Variants in SND1 observed in about 807,000 individuals in gnomAD.
SND1 encodes staphylococcal nuclease domain-containing protein 1.
Under a neutral mutation model 121.7 loss-of-function variants are expected in SND1, and 38 were observed. The observed-to-expected ratio is 0.31, with a 90% CI of 0.24 to 0.41. SND1 has a LOEUF of 0.41. SND1 is among the 10% of genes least tolerant of loss of function. The probability of loss-of-function intolerance (pLI) is 1.00; values close to 1 mark genes in which losing one functional copy is unlikely to be tolerated. For missense variants in SND1, 868 were observed against 1,184.6 expected (o/e 0.73, Z 3.92); for synonymous variants, 401 against 447.4 (o/e 0.90, Z 1.31).
At chr7:127,831,017 A>G (rs1300162161) in intron 11 of SND1, among the ~76,000 whole-genome samples, 1 of 152,206 alleles carries the variant, frequency 6.6e-6, no homozygotes, top group Non-Finnish European at 1.5e-5. Context: ...CATGAACATG[A>G]ATTCTTGACT....
chr7:127,867,577 C>T (rs1033907930), intron 12 of SND1, among the ~76,000 whole-genome samples: 6 of 152,114 alleles, frequency 3.9e-5, no homozygotes, highest in African/African-American at 4.8e-5. Context: ...ATCATGTTGT[C>T]GTCTTTATCT....
intron 15 of SND1, among the ~76,000 whole-genome samples, chr7:127,980,818 TC>T (rs1454773277): frequency 6.6e-6 from 1 of 152,158 alleles, no homozygotes; most frequent in East Asian, 1.9e-4. Flanking sequence ...ACTTGCAAGA[TC>T]CATAGGGGTA....
intron 11 of SND1, among the ~76,000 whole-genome samples, chr7:127,811,709 C>T (rs766526257): frequency 3.3e-5 from 5 of 152,156 alleles, no homozygotes; most frequent in Non-Finnish European, 7.3e-5. Flanking sequence ...GATATTATCT[C>T]TATTCTGGGT....
chr7:127,890,557 G>C (rs1799991551), intron 13 of SND1, among the ~76,000 whole-genome samples: 1 of 152,080 alleles, frequency 6.6e-6, no homozygotes, highest in Admixed American at 6.6e-5. Context: ...GGAATGTATA[G>C]TTATATTTTC....
At chr7:127,986,414 C>A (rs1802391725) in intron 15 of SND1, among the ~76,000 whole-genome samples, 1 of 152,098 alleles carries the variant, frequency 6.6e-6, no homozygotes, top group Non-Finnish European at 1.5e-5. Context: ...GATTTTGTGT[C>A]CAGAGAAGGC....
intron 11 of SND1, among the ~76,000 whole-genome samples, chr7:127,819,565 T>C (rs1798508696): frequency 6.6e-6 from 1 of 152,166 alleles, no homozygotes; most frequent in Admixed American, 6.5e-5. Context: ...CCCCACCTTG[T>C]AGGATGGGCT....
chr7:128,055,716 C>A (rs556960728), intron 16 of SND1, among the ~76,000 whole-genome samples: 1 of 152,242 alleles, frequency 6.6e-6, no homozygotes, highest in African/African-American at 2.4e-5. Context: ...TGACTTTTTT[C>A]CTTTATACTG....
At chr7:128,049,924 GGGGA>G (rs993702770) in intron 16 of SND1, among the ~76,000 whole-genome samples, 8 of 152,164 alleles carry the variant, frequency 5.3e-5, no homozygotes, top group Non-Finnish European at 1.2e-4. Flanking sequence ...GGCTGGAATT[GGGGA>G]GGCTGGGGTA....
At chr7:128,054,704 T>G (rs1793106167) in intron 16 of SND1, among the ~76,000 whole-genome samples, 1 of 152,180 alleles carries the variant, frequency 6.6e-6, no homozygotes, top group South Asian at 2.1e-4. Flanking sequence ...TTAATGAGCC[T>G]CGGCTTTTCT....
chr7:127,841,990 A>T (rs1361850434), intron 11 of SND1, among the ~76,000 whole-genome samples: 2 of 152,194 alleles, frequency 1.3e-5, no homozygotes, highest in Non-Finnish European at 2.9e-5. Context: ...ATATGGCTCC[A>T]TTCTGCTGCT....
chr7:127,918,367 A>C (rs1800630911), intron 14 of SND1, among the ~76,000 whole-genome samples: 1 of 151,796 alleles, frequency 6.6e-6, no homozygotes, highest in Admixed American at 6.6e-5. Context: ...CCCCCAGATG[A>C]CTTTTTTTCT....
intron 10 of SND1, among the ~76,000 whole-genome samples, chr7:127,780,503 G>C (rs965151368): frequency 9.2e-5 from 14 of 152,188 alleles, no homozygotes; most frequent in Non-Finnish European, 1.9e-4. Flanking sequence ...ACTTGTCCAA[G>C]GTATGGATCC....
Position 128,087,040 on chromosome 7 carries a change from G to C in SND1, c.2407G>C (p.Val803Leu). Residue 803 changes from valine to leucine, a missense_variant, in exon 21 of 24, where the codon GTG (valine) becomes CTG (leucine). By Grantham distance (32) the Val-to-Leu change is conservative. Transcript: ENST00000354725. ...ATEYAFAFIQ[V>L]PQDDDARTDA... ...GGAGTATGCCTTCGCCTTCATCCAG[G>C]TGCCCCAAGATGTGAGTCTGGAGTC... 6.2e-7 allele frequency: 1 copy of C among 1,613,904 alleles called. No homozygotes were observed. Among genetic ancestry groups the C allele is most frequent in the Non-Finnish European group, 8.5e-7 (1 of 1,179,822 alleles).
chr7:127,933,087 A>T (rs1220696967), intron 15 of SND1, among the ~76,000 whole-genome samples: 1 of 152,234 alleles, frequency 6.6e-6, no homozygotes, highest in Non-Finnish European at 1.5e-5. Flanking sequence ...TTCCTGGGAA[A>T]CATGGCCACA....
chr7:127,967,790 C>T (rs2116880606), intron 15 of SND1, among the ~76,000 whole-genome samples: 1 of 152,334 alleles, frequency 6.6e-6, no homozygotes, highest in South Asian at 2.1e-4. Context: ...TATCTGTTGA[C>T]GTTGGTGAGG....
intron 10 of SND1, among the ~76,000 whole-genome samples, chr7:127,733,410 A>C (rs1031100772): frequency 6.6e-6 from 1 of 152,148 alleles, no homozygotes; most frequent in African/African-American, 2.4e-5. Flanking sequence ...GTGTCCCTAA[A>C]GTGATTTTTG....
chr7:128,018,448 G>T (rs907636718), intron 16 of SND1, among the ~76,000 whole-genome samples: 1 of 152,240 alleles, frequency 6.6e-6, no homozygotes, highest in Admixed American at 6.5e-5. Context: ...GCCAGGAAGG[G>T]CAGTTCACAA....
rs372078210 is a variant in SND1, at chr7:127,977,114, G to A, written c.1670-13833G>A. ...CAAAGCAGCACATTTCACTGCGAACGCTTCCGGAGTCGGCTCTCAACAGTG... is the reference window on the plus strand; with the variant it reads ...CAAAGCAGCACATTTCACTGCGAACACTTCCGGAGTCGGCTCTCAACAGTG... On this transcript the variant is annotated intron_variant, in intron 15 of 23. Coordinates refer to ENST00000354725, the MANE Select transcript of SND1 (RefSeq NM_014390.4). 5.9e-5 allele frequency among the ~76,000 whole-genome samples: 9 copies of A among 152,270 alleles called. No individual in the cohort carries two copies. In the East Asian group the frequency reaches 1.2e-3, roughly 20 times the overall value.
chr7:127,855,029 A>T (rs1327054319), intron 12 of SND1, among the ~76,000 whole-genome samples: 39 of 146,626 alleles, frequency 2.7e-4, no homozygotes, highest in Non-Finnish European at 3.9e-4. Context: ...TTTTTTTTTT[A>T]AAGAATATAA....
Sources: allele counts gnomAD v4.1 joint callset (sites outside exome capture counted in the v4.1 genomes callset), GRCh38; gene constraint gnomAD v4.1.1; transcripts MANE v1.5; gene names NCBI Gene and HGNC (gene_info 2026-07-23, HGNC 2026-07-21).